The following ADAMTS12 variants were observed in gnomAD, a reference collection of about 807,000 sequenced individuals.
ADAMTS12 encodes the protein ADAM metallopeptidase with thrombospondin type 1 motif 12.
A neutral mutation model predicts 167.8 loss-of-function variants in ADAMTS12; 118 were observed. The ratio of observed to expected loss-of-function variants is 0.70; its 90% CI spans 0.61 to 0.82. ADAMTS12 has a LOEUF of 0.82. Ranked by LOEUF, ADAMTS12 falls within the 40% of genes least tolerant of loss-of-function variation. The pLI, the probability that ADAMTS12 is intolerant of heterozygous loss-of-function variation, is 0.00. For missense variants in ADAMTS12, 1,916 were observed against 1,998.8 expected (o/e 0.96, Z 0.79); for synonymous variants, 704 against 716.9 (o/e 0.98, Z 0.29).
rs562498564 is a variant in ADAMTS12 at position 33,850,255 on chromosome 5, A to C, written c.489+30864T>G. ...GACCCAGGATGTGGCATGGTCTCAC[A>C]TGCCTCTGGGTTTCAGACACAATGA... On this transcript the variant is annotated intron_variant, in intron 2 of 23. Transcript: ENST00000504830. 2.2e-4 allele frequency among the ~76,000 whole-genome samples: 33 copies of C among 152,276 alleles called. No homozygotes were observed. The East Asian group carries it at 5.4e-3, about 25-fold the overall frequency.
At chr5:33,766,458 A>G (rs1745536389) in intron 2 of ADAMTS12, among the ~76,000 whole-genome samples, 1 of 152,216 alleles carries the variant, frequency 6.6e-6, no homozygotes, top group South Asian at 2.1e-4. Flanking sequence ...TAGAACAGAA[A>G]AAAATGACAA....
rs539834987 is a variant in ADAMTS12, at chr5:33,551,916, A to G, written c.4126-2533T>C. Among the ~76,000 whole-genome samples, 12 of 152,218 alleles carry G rather than the reference A, an allele frequency of 7.9e-5. No homozygotes were observed. In the East Asian group the frequency reaches 1.9e-3, roughly 24 times the overall value. The stretch of plus-strand genomic sequence containing the variant: ...ATTGTTATGTTATATTCATTTTCTT[A>G]TTGCCTGAGAGGAAGGCCGTTTGTA... On this transcript the variant is annotated intron_variant, in intron 20 of 23. Transcript: ENST00000504830.
In ADAMTS12 at chr5:33,577,054, C is replaced by T. The variant is rs1360799446; in HGVS notation, c.2972G>A (p.Cys991Tyr). ...GCTAGAAGGGCATTGCTGGAGGCCA[C>T]ACAGAGCTCGGCTGTTGGGTTTCCT... is the stretch of plus-strand genomic sequence containing the variant. Reference protein sequence around the residue: ...VTRKPNSRALCGLQQCPSSRR... With the variant: ...VTRKPNSRALYGLQQCPSSRR... The change falls in exon 19 of 24, where the codon TGT (cysteine) becomes TAT (tyrosine). Residue 991 changes from cysteine to tyrosine, a missense_variant. By Grantham distance (194) the Cys-to-Tyr change is radical (BLOSUM62 -2). Coordinates refer to ENST00000504830, the MANE Select transcript of ADAMTS12 (RefSeq NM_030955.4). The T allele has an allele frequency of 5.0e-6, 8 of 1,614,160 alleles. No homozygotes were observed. Among genetic ancestry groups the T allele is most frequent in the Non-Finnish European group, 6.8e-6 (8 of 1,180,018 alleles).
intron 1 of ADAMTS12, among the ~76,000 whole-genome samples, chr5:33,885,124 T>C (rs1424104550): frequency 6.6e-6 from 1 of 152,226 alleles, no homozygotes; most frequent in East Asian, 1.9e-4. Context: ...TGATTCTAAA[T>C]CAATCTTACA....
intron 2 of ADAMTS12, among the ~76,000 whole-genome samples, chr5:33,832,964 A>G (rs2111559758): frequency 6.6e-6 from 1 of 152,328 alleles, no homozygotes; most frequent in South Asian, 2.1e-4. Context: ...AATTCAGTCA[A>G]TATCATCTCT....
At chr5:33,695,714 G>A (rs1742731165) in intron 3 of ADAMTS12, among the ~76,000 whole-genome samples, 1 of 152,124 alleles carries the variant, frequency 6.6e-6, no homozygotes, top group Admixed American at 6.6e-5. Flanking sequence ...AAGGGAAATG[G>A]GAAAAACTGT....
intron 2 of ADAMTS12, among the ~76,000 whole-genome samples, chr5:33,852,591 A>G (rs773962477): frequency 3.9e-5 from 6 of 152,246 alleles, no homozygotes; most frequent in Non-Finnish European, 8.8e-5. Context: ...CTCCCAGCCA[A>G]TTTAATTGCA....
At chr5:33,833,188 C>T (rs891131247) in intron 2 of ADAMTS12, among the ~76,000 whole-genome samples, 5 of 152,170 alleles carry the variant, frequency 3.3e-5, no homozygotes, top group African/African-American at 1.2e-4. Context: ...AATAAAATTT[C>T]TGTTCAAAGA....
intron 21 of ADAMTS12, among the ~76,000 whole-genome samples, chr5:33,548,382 T>A (rs565629457): frequency 2.6e-4 from 39 of 152,248 alleles, no homozygotes; most frequent in African/African-American, 8.7e-4. Flanking sequence ...TAAGTCTCAA[T>A]TTCTTCCCCT....
rs112284031 is a variant in ADAMTS12 at position 33,848,607 on chromosome 5, C to T, written c.489+32512G>A. Among the ~76,000 whole-genome samples the T allele has an allele frequency of 7.7e-3, 1,169 of 152,230 alleles. 4 individuals carry two copies. Among genetic ancestry groups the T allele is most frequent in the Non-Finnish European group, 0.011 (721 of 68,012 alleles). ...TTGCAAAACTGGACTTCAGAGAGTC[C>T]TATCTTTTATACAGGTTACTTGAGG... On this transcript the variant is annotated intron_variant, in intron 2 of 23. Transcript: ENST00000504830.
Position 33,589,529 on chromosome 5 carries a change from A to G in ADAMTS12, c.2655-720T>C, listed in dbSNP as rs146051150. Among the ~76,000 whole-genome samples, 295 of 152,328 alleles carry G rather than the reference A, an allele frequency of 1.9e-3. 1 individual carries two copies. The highest frequency in any genetic ancestry group is 6.9e-3 in the African/African-American group (286 of 41,576). ...AAAATCGTTTTTTACTCAATAATCTAGGATGTGGGCCCACTGGTTACATAA... is the reference window on the plus strand; with the variant it reads ...AAAATCGTTTTTTACTCAATAATCTGGGATGTGGGCCCACTGGTTACATAA... On this transcript the variant is annotated intron_variant, in intron 17 of 23. Coordinates refer to ENST00000504830, the MANE Select transcript of ADAMTS12 (RefSeq NM_030955.4).
chr5:33,870,763 T>A (rs7712870), intron 2 of ADAMTS12, among the ~76,000 whole-genome samples: 33,791 of 152,038 alleles, frequency 0.22, 4,291 homozygotes, highest in Middle Eastern at 0.3. Flanking sequence ...CTTGTGATAG[T>A]GAGTGAGTTC....
At chr5:33,542,092 C>A (rs974342740) in intron 22 of ADAMTS12, among the ~76,000 whole-genome samples, 2 of 151,688 alleles carry the variant, frequency 1.3e-5, no homozygotes, top group East Asian at 3.9e-4. Context: ...TCAGGAGACC[C>A]ATCTCACATG....
intron 2 of ADAMTS12, among the ~76,000 whole-genome samples, chr5:33,798,434 CTTTTT>C (rs3037113): frequency 1.0e-4 from 7 of 69,274 alleles, no homozygotes; most frequent in South Asian, 6.3e-4. Context: ...TTCTTTGTAT[CTTTTT>C]TTTTTTTTTT....
rs531618804 is a variant in ADAMTS12 at position 33,552,191 on chromosome 5, C to T, written c.4126-2808G>A. Among the ~76,000 whole-genome samples, 26 of 152,308 alleles carry T rather than the reference C, an allele frequency of 1.7e-4. No individual in the cohort carries two copies. The East Asian group carries it at 4.8e-3, about 28-fold the overall frequency. Reference sequence around the variant, plus strand: ...AAATCAAAACCTTTTCTTTCTTGTGCTATTTTTGATTTATGAAATCCTAGT... The same window carrying T: ...AAATCAAAACCTTTTCTTTCTTGTGTTATTTTTGATTTATGAAATCCTAGT... On this transcript the variant is annotated intron_variant, in intron 20 of 23. Transcript: ENST00000504830.
chr5:33,682,321 T>C (rs1325212023), intron 5 of ADAMTS12, among the ~76,000 whole-genome samples: 3 of 152,188 alleles, frequency 2.0e-5, no homozygotes, highest in Non-Finnish European at 2.9e-5. Flanking sequence ...GTAATCAAGG[T>C]TCCATTCTGG....
At chr5:33,541,650 C>A (rs1449905368) in intron 22 of ADAMTS12, among the ~76,000 whole-genome samples, 2 of 152,148 alleles carry the variant, frequency 1.3e-5, no homozygotes, top group Non-Finnish European at 1.5e-5. Flanking sequence ...TGCAGAAACC[C>A]TACAAGAGAG....
In ADAMTS12 at chr5:33,881,441, C is replaced by G. The variant is rs142286539; in HGVS notation, c.167G>C (p.Gly56Ala). 1 of 1,613,612 alleles carries G rather than the reference C, an allele frequency of 6.2e-7. No individual in the cohort carries two copies. Among genetic ancestry groups the G allele is most frequent in the Non-Finnish European group, 8.5e-7 (1 of 1,179,946 alleles). Residue 56 changes from glycine to alanine, a missense_variant, in exon 2 of 24, where the codon GGT (glycine) becomes GCT (alanine). Physicochemically the swap from Gly to Ala is moderately conservative, Grantham distance 60. Transcript: ENST00000504830. The part of the protein sequence containing the change: ...IKGLPEYHVV[G>A]PVRVDASGHF... ...CCCACTGGCATCTACTCGGACTGGA[C>G]CCACCACGTGGTATTCTGGCAGGCC... is the stretch of plus-strand genomic sequence containing the variant.
chr5:33,720,464 G>A (rs1417266852), intron 3 of ADAMTS12, among the ~76,000 whole-genome samples: 1 of 152,116 alleles, frequency 6.6e-6, no homozygotes, highest in Non-Finnish European at 1.5e-5. Context: ...AACAATAAAT[G>A]CTAAATAGAA....
Sources: allele counts gnomAD v4.1 joint callset (sites outside exome capture counted in the v4.1 genomes callset), GRCh38; gene constraint gnomAD v4.1.1; transcripts MANE v1.5; gene names NCBI Gene and HGNC (gene_info 2026-07-23, HGNC 2026-07-21).